NALCN: variants seen among roughly 807,000 people sequenced by gnomAD.
NALCN encodes the protein sodium leak channel, non-selective, also known as sodium leak channel NALCN.
NALCN carries 111 observed loss-of-function variants against 225.3 expected under a neutral mutation model. That is an observed-to-expected ratio of 0.49 (90% CI 0.42 to 0.58). NALCN has a LOEUF of 0.58. Among genes scored for constraint, NALCN ranks in the 20% least tolerant of loss-of-function variants. NALCN has a pLI of 0.00. For synonymous variants in NALCN, 764 were observed against 769.0 expected (o/e 0.99, Z 0.11); for missense variants, 1,378 against 2,202.4 (o/e 0.63, Z 7.49).
chr13:101,233,650 T>C (rs1221419341), intron 12 of NALCN, among the ~76,000 whole-genome samples: 2 of 152,040 alleles, frequency 1.3e-5, no homozygotes, highest in East Asian at 3.9e-4. Flanking sequence ...GGGAAGAAGA[T>C]TTAGCTCCAT....
intron 28 of NALCN, among the ~76,000 whole-genome samples, chr13:101,094,530 A>G (rs562902752): frequency 2.0e-5 from 3 of 152,206 alleles, no homozygotes; most frequent in South Asian, 2.1e-4. Flanking sequence ...GAAAATTTTT[A>G]TGCTCCTTTA....
chr13:101,185,365 G>C (rs973395378), intron 14 of NALCN, among the ~76,000 whole-genome samples: 2 of 152,172 alleles, frequency 1.3e-5, no homozygotes, highest in Admixed American at 6.5e-5. Flanking sequence ...GTAACAAAAA[G>C]ACTACCCACA....
intron 15 of NALCN, among the ~76,000 whole-genome samples, chr13:101,152,536 T>C (rs895515201): frequency 1.3e-5 from 2 of 152,080 alleles, no homozygotes; most frequent in Admixed American, 6.6e-5. Flanking sequence ...TGCAACAACA[T>C]AGATAATATT....
At chr13:101,306,353 T>C (rs1401516735) in intron 7 of NALCN, among the ~76,000 whole-genome samples, 2 of 152,192 alleles carry the variant, frequency 1.3e-5, no homozygotes, top group Non-Finnish European at 2.9e-5. Context: ...CCTCTGCAGA[T>C]GCCCATTTCA....
chr13:101,107,626 A>G lies in NALCN; in HGVS notation c.2457-17T>C, dbSNP rs1311368073. On this transcript the variant is annotated splice_polypyrimidine_tract_variant and intron_variant, in intron 21 of 43. Transcript: ENST00000251127. ...TGCACTTTCCTTGAAGGAGAAATTCATGGGAGAATGAGGCTAAGGGAAATT... is the reference window on the plus strand; with the variant it reads ...TGCACTTTCCTTGAAGGAGAAATTCGTGGGAGAATGAGGCTAAGGGAAATT... The G allele has an allele frequency of 1.2e-6, 2 of 1,614,068 alleles. No homozygotes were observed. The highest frequency in any genetic ancestry group is 1.7e-6 in the Non-Finnish European group (2 of 1,179,934).
chr13:101,124,603 G>A lies in NALCN; in HGVS notation c.2192+5C>T, dbSNP rs41281140. 19,243 of 1,611,668 alleles carry A rather than the reference G, an allele frequency of 0.012. 129 individuals carry two copies. Among genetic ancestry groups the A allele is most frequent in the Non-Finnish European group, 0.014 (16,876 of 1,178,346 alleles). On this transcript the variant is annotated splice_donor_5th_base_variant and intron_variant, in intron 18 of 43. Coordinates refer to ENST00000251127, the MANE Select transcript of NALCN (RefSeq NM_052867.4). The stretch of plus-strand genomic sequence containing the variant: ...TAAATATGTGTCAACATTAATTGGT[G>A]TTACCTTAAGATTTTAGTGACTGCG...
intron 9 of NALCN, among the ~76,000 whole-genome samples, chr13:101,286,805 T>C (rs2043353384): frequency 6.6e-6 from 1 of 151,508 alleles, no homozygotes. Context: ...AGAAACAGCT[T>C]AAACCCATTC....
At chr13:101,367,427 T>A (rs1480048403) in intron 6 of NALCN, among the ~76,000 whole-genome samples, 1 of 152,084 alleles carries the variant, frequency 6.6e-6, no homozygotes, top group East Asian at 1.9e-4. Context: ...TTATTATTAT[T>A]ATTACTAATC....
chr13:101,334,055 T>C (rs1029356273), intron 7 of NALCN, among the ~76,000 whole-genome samples: 4 of 152,122 alleles, frequency 2.6e-5, no homozygotes, highest in African/African-American at 9.7e-5. Flanking sequence ...CTCAAGTATA[T>C]ACCGAGTTCA....
chr13:101,157,529 A>G (rs952085005), intron 15 of NALCN, among the ~76,000 whole-genome samples: 4 of 152,356 alleles, frequency 2.6e-5, no homozygotes, highest in Admixed American at 2.0e-4. Context: ...GAAGGCCAAC[A>G]GTGAAATCAG....
At chr13:101,139,894 T>C (rs902076421) in intron 17 of NALCN, among the ~76,000 whole-genome samples, 1 of 152,212 alleles carries the variant, frequency 6.6e-6, no homozygotes, top group African/African-American at 2.4e-5. Context: ...TAAATCCTTA[T>C]CACTGAAATC....
chr13:101,149,315 A>T (rs2037522163), intron 15 of NALCN, among the ~76,000 whole-genome samples: 1 of 152,038 alleles, frequency 6.6e-6, no homozygotes, highest in African/African-American at 2.4e-5. Flanking sequence ...AAAATTATAA[A>T]GGGACATGTT....
At chr13:101,192,200 G>T in intron 13 of NALCN, 146 bp from the exon 14 acceptor site, 2 of 771,052 alleles carry the variant, frequency 2.6e-6, no homozygotes, top group Middle Eastern at 3.0e-4. Flanking sequence ...CAACACATAG[G>T]AAAGATATAA....
chr13:101,187,352 A>T (rs956591935), intron 14 of NALCN, among the ~76,000 whole-genome samples: 12 of 152,148 alleles, frequency 7.9e-5, no homozygotes, highest in African/African-American at 2.9e-4. Flanking sequence ...GAATCTTGGA[A>T]AGTTTCCCTT....
intron 13 of NALCN, among the ~76,000 whole-genome samples, chr13:101,198,747 T>C (rs1355468561): frequency 6.6e-6 from 1 of 152,268 alleles, no homozygotes; most frequent in East Asian, 1.9e-4. Flanking sequence ...TCCTCAGGGA[T>C]CTAGAACTAG....
At chr13:101,351,542 C>T (rs1309999416) in intron 6 of NALCN, among the ~76,000 whole-genome samples, 2 of 152,074 alleles carry the variant, frequency 1.3e-5, no homozygotes, top group Admixed American at 1.3e-4. Flanking sequence ...AGTTATTCAC[C>T]ACTCCTAGCG....
At chr13:101,133,183 A>G (rs963699131) in intron 17 of NALCN, among the ~76,000 whole-genome samples, 15 of 152,204 alleles carry the variant, frequency 9.9e-5, no homozygotes, top group African/African-American at 3.6e-4. Context: ...CTAAAGAACC[A>G]TAGCTTGACC....
At chr13:101,325,111 G>T (rs2044895364) in intron 7 of NALCN, among the ~76,000 whole-genome samples, 1 of 152,078 alleles carries the variant, frequency 6.6e-6, no homozygotes, top group South Asian at 2.1e-4. Flanking sequence ...ATCCGTACAG[G>T]GTTGGTCAGT....
intron 34 of NALCN, 129 bp downstream of exon 34, chr13:101,081,398 G>T: frequency 7.5e-7 from 1 of 1,330,930 alleles, no homozygotes; most frequent in Non-Finnish European, 1.0e-6. Flanking sequence ...TCAAAGCTGG[G>T]CTTTAGGGAG....
Sources: gnomAD v4.1 joint callset for allele counts (sites outside exome capture counted in the v4.1 genomes callset) on GRCh38, gnomAD v4.1.1 for gene constraint, MANE v1.5 for transcripts, NCBI Gene and HGNC (gene_info 2026-07-23, HGNC 2026-07-21) for gene names.